TRIM25: variants seen among roughly 807,000 people sequenced by gnomAD.
TRIM25 encodes E3 ubiquitin/ISG15 ligase TRIM25.
Under a neutral mutation model 65.2 loss-of-function variants are expected in TRIM25, and 45 were observed. The ratio of observed to expected loss-of-function variants is 0.69; its 90% confidence interval spans 0.54 to 0.89. TRIM25 has a LOEUF of 0.89. TRIM25 is among the 40% of genes least tolerant of loss of function. The pLI, the probability that TRIM25 is intolerant of heterozygous loss-of-function variation, is 0.00. For missense variants in TRIM25, 714 were observed against 803.7 expected (o/e 0.89, Z 1.35); for synonymous variants, 321 against 340.4 (o/e 0.94, Z 0.63).
intron 2 of TRIM25, among the ~76,000 whole-genome samples, chr17:56,904,995 G>A (rs542244968): frequency 2.0e-5 from 3 of 152,146 alleles, no homozygotes; most frequent in Admixed American, 6.5e-5. Context: ...ACAAAGAAAC[G>A]CATGGGAATG....
chr17:56,891,890 G>T lies in TRIM25; in HGVS notation c.1703C>A (p.Thr568Asn), dbSNP rs755921273. The T allele has an allele frequency of 1.9e-6, 3 of 1,614,246 alleles. No individual in the cohort carries two copies. Among genetic ancestry groups the T allele is most frequent in the Non-Finnish European group, 1.7e-6 (2 of 1,180,048 alleles). ...ISAWHNNVEK[T>N]LPSTKATRVG... is the part of the protein sequence containing the mutation. Reference sequence around the variant, plus strand: ...CCGCGTGGCCTTGGTGGAGGGCAGGGTTTTCTCCACGTTATTGTGCCAGGC... The same window carrying T: ...CCGCGTGGCCTTGGTGGAGGGCAGGTTTTTCTCCACGTTATTGTGCCAGGC... The change falls in exon 9 of 9, where the codon ACC (threonine) becomes AAC (asparagine). Residue 568 changes from threonine to asparagine, a missense_variant. Physicochemically the swap from Thr to Asn is moderately conservative, Grantham distance 65 (BLOSUM62 0). This residue lies in a region of TRIM25 where 413 missense variants were observed against 498.2 expected (regional missense o/e 0.83). Coordinates refer to ENST00000316881, the MANE Select transcript of TRIM25 (RefSeq NM_005082.5).
At position 56,899,124 on chromosome 17, in the gene TRIM25, T is replaced by G. The variant is rs1240166315; in HGVS notation, c.1144A>C (p.Lys382Gln). The G allele has an allele frequency of 1.2e-6, 2 of 1,614,126 alleles. No homozygotes were observed. Among genetic ancestry groups the G allele is most frequent in the Admixed American group, 1.7e-5 (1 of 59,998 alleles). The change falls in exon 5 of 9, where the codon AAG becomes CAG. Residue 382 changes from lysine (K) to glutamine (Q), a missense_variant. Physicochemically the swap from Lys to Gln is moderately conservative, Grantham distance 53. Transcript: ENST00000316881. ...STHKSTRPVK[K>Q]VSKEEKKSKK... ...GGGTGGGGCTACTTACTGGAGACCTTCTTCACAGGGCGTGTGGATTTGTGT... is the reference window on the plus strand; with the variant it reads ...GGGTGGGGCTACTTACTGGAGACCTGCTTCACAGGGCGTGTGGATTTGTGT...
At chr17:56,897,660 C>G (rs556638763) in intron 5 of TRIM25, among the ~76,000 whole-genome samples, 83 of 152,284 alleles carry the variant, frequency 5.5e-4, no homozygotes, top group African/African-American at 1.9e-3. Context: ...TGATTCATTC[C>G]CGAACTTTAT....
chr17:56,911,387 C>A (rs1367350815), intron 1 of TRIM25, among the ~76,000 whole-genome samples: 1 of 152,102 alleles, frequency 6.6e-6, no homozygotes, highest in Non-Finnish European at 1.5e-5. Flanking sequence ...CGAGACCAGC[C>A]TGGCCAACAT....
intron 5 of TRIM25, among the ~76,000 whole-genome samples, chr17:56,896,828 G>GA (rs1909303649): frequency 6.6e-6 from 1 of 152,072 alleles, no homozygotes; most frequent in Non-Finnish European, 1.5e-5. Flanking sequence ...TTATTGGTCA[G>GA]GCACTGTAGC....
In TRIM25 at chr17:56,895,372, A is replaced by G. The variant is rs766569547; in HGVS notation, c.1334T>C (p.Leu445Pro). ...SLKAKVLETF[L>P]AKSRPELLEY... ...CAGGAGCTCAGGTCTGGACTTGGCC[A>G]GGAAGGTCTCCAGCACCTTGGCCTT... is the stretch of plus-strand genomic sequence containing the variant. Residue 445 changes from leucine to proline, a missense_variant, in exon 8 of 9, where the codon CTG becomes CCG. By Grantham distance (98) the Leu-to-Pro change is moderately conservative. This residue lies in a region of TRIM25 where 413 missense variants were observed against 498.2 expected (regional missense o/e 0.83). Transcript: ENST00000316881. 1.9e-6 allele frequency: 3 copies of G among 1,614,178 alleles called. No individual in the cohort carries two copies. The highest frequency in any genetic ancestry group is 2.5e-6 in the Non-Finnish European group (3 of 1,180,028).
At chr17:56,904,608 A>C in intron 2 of TRIM25, 120 bp from the exon 3 acceptor site, 3 of 901,338 alleles carry the variant, frequency 3.3e-6, no homozygotes. Flanking sequence ...TGGGAGAACA[A>C]ACCACTGTGG....
Position 56,890,848 on chromosome 17 carries a change from G to A in TRIM25, c.*852C>T, listed in dbSNP as rs1308959951. On this transcript the variant is annotated 3_prime_UTR_variant, in exon 9 of 9. Transcript: ENST00000316881. ...GCCTGGCAGAGTTCCTTGCCCCACA[G>A]CCAAGGCTATGGGAAGCAAGGCCTC... 1 of 456,520 alleles carries A rather than the reference G, an allele frequency of 2.2e-6. No individual in the cohort carries two copies. The highest frequency in any genetic ancestry group is 4.4e-6 in the Non-Finnish European group (1 of 226,964). The allele number at this position is 456,520 out of a possible 1,614,324, so 28.3% of individuals were successfully genotyped here.
At position 56,889,730 on chromosome 17, in the gene TRIM25, T is replaced by C. The variant is rs1909128875; in HGVS notation, c.*1970A>G. 2.5e-6 allele frequency: 1 copy of C among 398,672 alleles called. No individual in the cohort carries two copies. The highest frequency in any genetic ancestry group is 4.4e-6 in the Non-Finnish European group (1 of 226,074). 24.7% of individuals were successfully genotyped at this position (398,672 alleles called of 1,614,324 possible). On this transcript the variant is annotated 3_prime_UTR_variant, in exon 9 of 9. Coordinates refer to ENST00000316881, the MANE Select transcript of TRIM25 (RefSeq NM_005082.5). The stretch of plus-strand genomic sequence containing the variant: ...GGAGCCATGGATTTATCTCTGGCAT[T>C]CTACTCCTCCAAGCCCAGCTGTTTC...
chr17:56,891,554 A>ACCCCCCCC lies in TRIM25; in HGVS notation c.*145_*146insGGGGGGGG. The ACCCCCCCC allele has an allele frequency of 3.7e-6, 1 of 272,548 alleles. No individual in the cohort carries two copies. The highest frequency in any genetic ancestry group is 7.2e-6 in the Non-Finnish European group (1 of 139,798). The allele number at this position is 272,548 out of a possible 1,614,324, so 16.9% of individuals were successfully genotyped here. On this transcript the variant is annotated 3_prime_UTR_variant, in exon 9 of 9. Transcript: ENST00000316881. Reference sequence around the variant, plus strand: ...CTCACCCCTTTCCTGGCTAAATCCCACCTCCCACCCTCCCGCCAGCTCCCC... The same window carrying ACCCCCCCC: ...CTCACCCCTTTCCTGGCTAAATCCCACCCCCCCCCCTCCCACCCTCCCGCCAGCTCCCC...
At chr17:56,911,344 G>A (rs1167871554) in intron 1 of TRIM25, among the ~76,000 whole-genome samples, 1 of 152,108 alleles carries the variant, frequency 6.6e-6, no homozygotes, top group African/African-American at 2.4e-5. Context: ...CACTTTGGGA[G>A]GCCGAGGCGG....
At position 56,895,917 on chromosome 17, in the gene TRIM25, A is replaced by C. The variant is rs760864204; in HGVS notation, c.1180+9T>G. ...AAGAAACGAACAGTTGCAGAAATGC[A>C]TAACTTACGAGGTTTCTTGGATTTC... is the stretch of plus-strand genomic sequence containing the variant. On this transcript the variant is annotated intron_variant, in intron 6 of 8. Transcript: ENST00000316881. 19 of 1,611,392 alleles carry C rather than the reference A, an allele frequency of 1.2e-5. No individual in the cohort carries two copies. In the South Asian group the frequency reaches 1.9e-4, roughly 16 times the overall value.
chr17:56,901,481 A>G lies in TRIM25; in HGVS notation c.1025T>C (p.Ile342Thr), dbSNP rs201702140. 65 of 1,614,150 alleles carry G rather than the reference A, an allele frequency of 4.0e-5. No homozygotes were observed. In the East Asian group the frequency reaches 6.7e-4, roughly 17 times the overall value. ...KLIKGIHQST[I>T]DLKNELKQCI... ...CTGCTTCAGCTCGTTTTTGAGGTCT[A>G]TGGTGCTCTGGTGGATGCCTTTTAT... The change falls in exon 4 of 9, where the codon ATA becomes ACA. Residue 342 changes from isoleucine to threonine, a missense_variant. By Grantham distance (89) the Ile-to-Thr change is moderately conservative. This residue lies in a region of TRIM25 where 413 missense variants were observed against 498.2 expected (regional missense o/e 0.83). Transcript: ENST00000316881.
At chr17:56,902,855 A>G (rs1030711070) in intron 3 of TRIM25, among the ~76,000 whole-genome samples, 1 of 152,140 alleles carries the variant, frequency 6.6e-6, no homozygotes, top group African/African-American at 2.4e-5. Context: ...TTCCCCATGC[A>G]CCGCTTGGTG....
intron 8 of TRIM25, among the ~76,000 whole-genome samples, chr17:56,894,739 T>C (rs1263893322): frequency 6.6e-6 from 1 of 152,006 alleles, no homozygotes; most frequent in African/African-American, 2.4e-5. Flanking sequence ...AGCAGAAGAT[T>C]CCAGAGAGCG....
At chr17:56,902,460 T>C (rs1005606858) in intron 3 of TRIM25, among the ~76,000 whole-genome samples, 5 of 152,224 alleles carry the variant, frequency 3.3e-5, no homozygotes, top group Non-Finnish European at 5.9e-5. Context: ...CCAATGTTAC[T>C]GTAGAAACAG....
At chr17:56,896,331 A>G (rs1264355794) in intron 5 of TRIM25, among the ~76,000 whole-genome samples, 2 of 127,160 alleles carry the variant, frequency 1.6e-5, no homozygotes, top group African/African-American at 6.1e-5. Flanking sequence ...AAACACAAAA[A>G]CCAAATAGGG....
chr17:56,913,595 G>T lies in TRIM25; in HGVS notation c.394C>A (p.Gln132Lys), dbSNP rs1264922413. 4 of 1,609,872 alleles carry T rather than the reference G, an allele frequency of 2.5e-6. No homozygotes were observed. Among genetic ancestry groups the T allele is most frequent in the Admixed American group, 3.4e-5 (2 of 59,630 alleles). Residue 132 changes from glutamine to lysine, a missense_variant, in exon 1 of 9, where the codon CAG becomes AAG. Physicochemically the swap from Gln to Lys is moderately conservative, Grantham distance 53 (BLOSUM62 1). This residue lies in a region of TRIM25 where 291 missense variants were observed against 281.8 expected (regional missense o/e 1.03). Coordinates refer to ENST00000316881, the MANE Select transcript of TRIM25 (RefSeq NM_005082.5). This position sits in a 1 kb window ranked among gnomAD's most constrained non-coding sequence, Gnocchi z 6.1. ...AAGGCGGGGCTGTCGAAGTGCGGCT[G>T]CAGGTGCTCCTGACAGAAGGAGGCC... ...CMASFCQEHL[Q>K]PHFDSPAFQD...
chr17:56,900,843 A>C (rs546510555), intron 4 of TRIM25, among the ~76,000 whole-genome samples: 16 of 152,302 alleles, frequency 1.1e-4, no homozygotes, highest in African/African-American at 3.8e-4. Flanking sequence ...GCAAAGCAGA[A>C]TAGGTCCCAG....
Sources: gnomAD v4.1 joint callset for allele counts (sites outside exome capture counted in the v4.1 genomes callset) on GRCh38, gnomAD v4.1.1 for gene constraint, gnomAD v4.1.1 regional missense constraint, Gnocchi (gnomAD v3.1) non-coding constraint, MANE v1.5 for transcripts, NCBI Gene and HGNC (gene_info 2026-07-23, HGNC 2026-07-21) for gene names.